DCUN1D2: variants seen among roughly 807,000 people sequenced by gnomAD.
The protein encoded by DCUN1D2 is defective in cullin neddylation 1 domain containing 2.
A neutral mutation model predicts 30.9 loss-of-function variants in DCUN1D2; 29 were observed. The ratio of observed to expected loss-of-function variants is 0.94; its 90% CI spans 0.70 to 1.28. The LOEUF (loss-of-function observed/expected upper bound fraction) is 1.28. Among genes scored for constraint, DCUN1D2 ranks in the 50% most tolerant of loss-of-function variants. The pLI is 0.00. For missense variants in DCUN1D2, 325 were observed against 316.9 expected (o/e 1.03, Z -0.19); for synonymous variants, 121 against 115.3 (o/e 1.05, Z -0.32).
At chr13:113,461,173 ACT>A (rs760470972) in intron 4 of DCUN1D2, 37 bp from the exon 5 acceptor site, 32 of 1,360,518 alleles carry the variant, frequency 2.4e-5, no homozygotes, top group Non-Finnish European at 3.3e-5. Flanking sequence ...AGTAAATCTC[ACT>A]CTCTTTTTCT....
Position 113,489,164 on chromosome 13 carries a change from A to G in DCUN1D2, c.3+1503T>C, listed in dbSNP as rs1348709339. 5 of 985,238 alleles carry G rather than the reference A, an allele frequency of 5.1e-6. No homozygotes were observed. In the South Asian group the frequency reaches 1.9e-4, roughly 37 times the overall value. The allele number at this position is 985,238 out of a possible 1,614,324, so 61.0% of individuals were successfully genotyped here. On this transcript the variant is annotated intron_variant, in intron 1 of 6. Transcript: ENST00000478244. Reference sequence around the variant, plus strand: ...TGGATCACTTTCACTCTGTTTCGGTATACAGCACGCTAGAGGGAGGGGGAG... The same window carrying G: ...TGGATCACTTTCACTCTGTTTCGGTGTACAGCACGCTAGAGGGAGGGGGAG...
At chr13:113,472,292 T>TA (rs930844406) in intron 4 of DCUN1D2, among the ~76,000 whole-genome samples, 14 of 150,576 alleles carry the variant, frequency 9.3e-5, no homozygotes, top group South Asian at 6.3e-4. Flanking sequence ...TGAACAAAAA[T>TA]AAAAAAAATA....
At chr13:113,475,137 T>A (rs924503433) in intron 3 of DCUN1D2, among the ~76,000 whole-genome samples, 1 of 152,082 alleles carries the variant, frequency 6.6e-6, no homozygotes, top group African/African-American at 2.4e-5. Flanking sequence ...GCTAGAAAAG[T>A]CCTCGAAGAC....
In DCUN1D2 at chr13:113,476,294, C is replaced by T. The variant is rs115149849; in HGVS notation, c.390-2040G>A. 3.6e-3 allele frequency among the ~76,000 whole-genome samples: 545 copies of T among 152,290 alleles called. 8 individuals carry two copies. Among genetic ancestry groups the T allele is most frequent in the African/African-American group, 0.013 (521 of 41,546 alleles). ...TTCCATTTAGTAACTGATGTCAAAA[C>T]AGTACACTGGAGTCCCCCTCCACGC... On this transcript the variant is annotated intron_variant, in intron 3 of 6. Transcript: ENST00000478244.
chr13:113,491,021 G>C (rs567155910), upstream of DCUN1D2: 2 of 164,260 alleles, frequency 1.2e-5, no homozygotes, highest in African/African-American at 4.8e-5. Flanking sequence ...GCGGCTGGGC[G>C]GGAGTCCGGG....
In DCUN1D2 at chr13:113,455,847, T is replaced by C. The variant is rs41286630; in HGVS notation, c.*2182A>G. 25 of 174,130 alleles carry C rather than the reference T, an allele frequency of 1.4e-4. No homozygotes were observed. Among genetic ancestry groups the C allele is most frequent in the Non-Finnish European group, 3.0e-4 (25 of 83,244 alleles). 10.8% of individuals were successfully genotyped at this position (174,130 alleles called of 1,614,324 possible). A position where few individuals can be genotyped will look rare whatever the true frequency, so the allele number is the denominator to read the frequency against. ...GAGAAAAACCAATTTAATGCTTCTG[T>C]TCTCAGCATTTCACAGCATGCAGGA... On this transcript the variant is annotated 3_prime_UTR_variant, in exon 7 of 7. Transcript: ENST00000478244.
intron 4 of DCUN1D2, among the ~76,000 whole-genome samples, chr13:113,464,601 T>C (rs777145226): frequency 1.3e-5 from 2 of 152,230 alleles, no homozygotes; most frequent in Non-Finnish European, 1.5e-5. Context: ...ACGGGGCAGT[T>C]GGACGTTGCT....
intron 6 of DCUN1D2, 31 bp downstream of exon 6, chr13:113,459,281 G>T: frequency 1.7e-6 from 2 of 1,201,692 alleles, no homozygotes; most frequent in Non-Finnish European, 2.5e-6. Flanking sequence ...TAAGCATTTC[G>T]GTCAATCATC....
chr13:113,463,064 G>T, intron 4 of DCUN1D2: 1 of 209,914 alleles, frequency 4.8e-6, no homozygotes, highest in Non-Finnish European at 9.2e-6. Flanking sequence ...ACATAAAAAT[G>T]TTTAATATTG....
intron 4 of DCUN1D2, among the ~76,000 whole-genome samples, chr13:113,469,247 T>C (rs1366728709): frequency 6.6e-6 from 1 of 151,934 alleles, no homozygotes; most frequent in Non-Finnish European, 1.5e-5. Flanking sequence ...GGAAAACTAA[T>C]TTCACATAAA....
At position 113,473,357 on chromosome 13, in the gene DCUN1D2, T is replaced by A. The variant is rs112645378; in HGVS notation, c.520+767A>T. The stretch of plus-strand genomic sequence containing the variant: ...CAGTCCCTGAATCCCTGCTGCAGGG[T>A]TAGGAGTGACAGTTAAAGCGAATGC... On this transcript the variant is annotated intron_variant, in intron 4 of 6. Transcript: ENST00000478244. Among the ~76,000 whole-genome samples, 980 of 152,188 alleles carry A rather than the reference T, an allele frequency of 6.4e-3. 8 individuals carry two copies. The highest frequency in any genetic ancestry group is 0.022 in the African/African-American group (928 of 41,514).
chr13:113,488,704 G>A lies in DCUN1D2; in HGVS notation c.3+1963C>T, dbSNP rs1566509692. Among the ~76,000 whole-genome samples the A allele has an allele frequency of 6.6e-6, 1 of 152,286 alleles. No individual in the cohort carries two copies. The highest frequency in any genetic ancestry group is 1.5e-5 in the Non-Finnish European group (1 of 68,006). ...GGCCCAGACGTTGGCAAGAAGCTTC[G>A]AGTGCACCCAGACAGGACTGAACCC... On this transcript the variant is annotated intron_variant, in intron 1 of 6. Transcript: ENST00000478244. This position sits in a 1 kb window ranked among gnomAD's most constrained non-coding sequence, Gnocchi z 4.3.
At chr13:113,484,163 T>TGCTC in intron 1 of DCUN1D2, 107 bp from the exon 2 acceptor site, 1 of 1,529,380 alleles carries the variant, frequency 6.5e-7, no homozygotes, top group Non-Finnish European at 8.7e-7. Flanking sequence ...GACAAAGCCT[T>TGCTC]GCTCTTCATC....
At chr13:113,480,125 C>T (rs752257631) in intron 3 of DCUN1D2, among the ~76,000 whole-genome samples, 1 of 152,128 alleles carries the variant, frequency 6.6e-6, no homozygotes, top group Non-Finnish European at 1.5e-5. Flanking sequence ...CGAGAAACAC[C>T]TTAAGTTATT....
At chr13:113,481,446 T>C (rs1320434698) in intron 2 of DCUN1D2, among the ~76,000 whole-genome samples, 2 of 152,214 alleles carry the variant, frequency 1.3e-5, no homozygotes, top group Admixed American at 6.5e-5. Context: ...CGTAGGTAAA[T>C]TGTTGGTTTA....
At chr13:113,473,709 A>C (rs950347124) in intron 4 of DCUN1D2, among the ~76,000 whole-genome samples, 1 of 152,256 alleles carries the variant, frequency 6.6e-6, no homozygotes, top group African/African-American at 2.4e-5. Context: ...AGAGGGTGGT[A>C]ACGTTACAGC....
At chr13:113,474,762 G>A (rs756252746) in intron 3 of DCUN1D2, among the ~76,000 whole-genome samples, 2 of 152,140 alleles carry the variant, frequency 1.3e-5, no homozygotes, top group Non-Finnish European at 2.9e-5. Context: ...ATTTCTCAGT[G>A]ACTTGCAGAA....
At chr13:113,458,181 A>G in intron 6 of DCUN1D2, 73 bp from the exon 7 acceptor site, 1 of 1,254,706 alleles carries the variant, frequency 8.0e-7, no homozygotes, top group Non-Finnish European at 1.2e-6. Context: ...GTCACACATC[A>G]ATCCAACATT....
chr13:113,466,986 T>G (rs1338600203), intron 4 of DCUN1D2, among the ~76,000 whole-genome samples: 2 of 152,002 alleles, frequency 1.3e-5, no homozygotes, highest in Non-Finnish European at 2.9e-5. Context: ...TTTTATATTT[T>G]TTTAGTAGAG....
Sources: allele counts gnomAD v4.1 joint callset (sites outside exome capture counted in the v4.1 genomes callset), GRCh38; gene constraint gnomAD v4.1.1; non-coding constraint Gnocchi (gnomAD v3.1); transcripts MANE v1.5; gene names NCBI Gene and HGNC (gene_info 2026-07-23, HGNC 2026-07-21).